Variants in IFT74 observed in about 807,000 individuals in gnomAD.
IFT74 encodes the protein intraflagellar transport protein 74 homolog.
In IFT74, 92 loss-of-function variants were observed where a neutral mutation model predicts 96.7. That is an observed-to-expected ratio of 0.95 (90% CI 0.80 to 1.13). The LOEUF is 1.13. Ranked by LOEUF, IFT74 falls within the 50% of genes most tolerant of loss-of-function variation. The probability of loss-of-function intolerance (pLI) is 0.00; values close to 1 mark genes in which losing one functional copy is unlikely to be tolerated. For synonymous variants in IFT74, 223 were observed against 213.2 expected (o/e 1.05, Z -0.40); for missense variants, 811 against 698.2 (o/e 1.16, Z -1.82).
chr9:26,947,236 C>G, intron 1 of IFT74: 1 of 598,504 alleles, frequency 1.7e-6, no homozygotes, highest in Non-Finnish European at 2.8e-6. Flanking sequence ...AGTGACACAG[C>G]AAGCCTGACA....
At chr9:26,992,232 G>A (rs1388441136) in intron 8 of IFT74, among the ~76,000 whole-genome samples, 2 of 152,138 alleles carry the variant, frequency 1.3e-5, no homozygotes, top group East Asian at 3.9e-4. Context: ...GTTAAAGAAT[G>A]TCATAGATTT....
chr9:26,957,353 G>C (rs937017097), intron 1 of IFT74, among the ~76,000 whole-genome samples: 1 of 152,188 alleles, frequency 6.6e-6, no homozygotes, highest in Non-Finnish European at 1.5e-5. Flanking sequence ...ACTGGAAAGA[G>C]ATGTTTATTG....
rs763784575 is a variant in IFT74 at position 26,997,819 on chromosome 9, C to T, written c.587+7624C>T. 1.9e-6 allele frequency: 3 copies of T among 1,614,078 alleles called. No individual in the cohort carries two copies. In the South Asian group the frequency reaches 3.3e-5, roughly 18 times the overall value. ...GGTTTCCATATAAAGTTATTAATTC[C>T]AGATGAAATAGTGGTGGTACATCCA... On this transcript the variant is annotated intron_variant, in intron 8 of 19. Coordinates refer to ENST00000380062, the MANE Select transcript of IFT74 (RefSeq NM_025103.4).
At chr9:27,019,976 AT>A (rs771476988) in intron 12 of IFT74, among the ~76,000 whole-genome samples, 135 of 142,966 alleles carry the variant, frequency 9.4e-4, no homozygotes, top group Non-Finnish European at 1.1e-3. Context: ...TTTTAATTTA[AT>A]TTTTTTTTTT....
chr9:27,009,818 T>A (rs1297829711), intron 9 of IFT74, among the ~76,000 whole-genome samples: 1 of 152,198 alleles, frequency 6.6e-6, no homozygotes, highest in African/African-American at 2.4e-5. Flanking sequence ...AATTTCCATT[T>A]TTAAAAATTA....
In IFT74 at chr9:26,949,764, G is replaced by A. The variant is rs189525730; in HGVS notation, c.-20+2618G>A. The stretch of plus-strand genomic sequence containing the variant: ...GGCAGGAGGCTAGGAAATGGGAAAT[G>A]CTAATTGGTTGGGTCAGGGATGAAT... On this transcript the variant is annotated intron_variant, in intron 1 of 19. Transcript: ENST00000433700. 2.0e-4 allele frequency among the ~76,000 whole-genome samples: 31 copies of A among 152,272 alleles called. No homozygotes were observed. The East Asian group carries it at 5.8e-3, about 28-fold the overall frequency.
upstream of IFT74, among the ~76,000 whole-genome samples, chr9:26,952,268 AT>A (rs1456982818): frequency 3.4e-5 from 5 of 147,222 alleles, no homozygotes; most frequent in East Asian, 2.0e-4. Flanking sequence ...AGTTTATTTA[AT>A]TTTTTTTAAC....
At chr9:27,056,825 A>G (rs1298017773) in intron 18 of IFT74, among the ~76,000 whole-genome samples, 3 of 151,780 alleles carry the variant, frequency 2.0e-5, no homozygotes, top group Non-Finnish European at 2.9e-5. Context: ...GAGAATGCTT[A>G]TTGTTGCTTT....
chr9:27,013,423 A>T (rs1205302600), intron 10 of IFT74, among the ~76,000 whole-genome samples: 1 of 152,246 alleles, frequency 6.6e-6, no homozygotes, highest in Non-Finnish European at 1.5e-5. Flanking sequence ...ATATCATAAG[A>T]TTGAATTCTC....
At chr9:26,974,614 A>T (rs1289388089) in intron 2 of IFT74, among the ~76,000 whole-genome samples, 1 of 152,114 alleles carries the variant, frequency 6.6e-6, no homozygotes, top group Non-Finnish European at 1.5e-5. Flanking sequence ...TGAGGTCTTA[A>T]GCGGGAAATT....
intron 2 of IFT74, among the ~76,000 whole-genome samples, chr9:26,963,690 T>G (rs901314451): frequency 3.3e-5 from 5 of 152,228 alleles, no homozygotes; most frequent in African/African-American, 1.2e-4. Flanking sequence ...GGTTTTGACT[T>G]GCATTTCTCT....
chr9:26,949,746 G>A (rs898752713), intron 1 of IFT74, among the ~76,000 whole-genome samples: 2 of 152,148 alleles, frequency 1.3e-5, no homozygotes, highest in African/African-American at 4.8e-5. Flanking sequence ...GTGGGCAGGA[G>A]GCTAGGAAAT....
intron 12 of IFT74, among the ~76,000 whole-genome samples, chr9:27,022,345 A>AT (rs1463738821): frequency 1.2e-4 from 18 of 150,796 alleles, no homozygotes; most frequent in Non-Finnish European, 1.9e-4. Context: ...TGAATTTTGG[A>AT]TTTTTTTTTC....
At chr9:27,024,663 G>T (rs1352790058) in intron 12 of IFT74, among the ~76,000 whole-genome samples, 2 of 151,998 alleles carry the variant, frequency 1.3e-5, no homozygotes, top group Non-Finnish European at 2.9e-5. Context: ...AAACCAAGAA[G>T]AAATCTCTGA....
intron 3 of IFT74, among the ~76,000 whole-genome samples, chr9:26,979,055 C>T (rs181745075): frequency 6.6e-6 from 1 of 152,118 alleles, no homozygotes; most frequent in Admixed American, 6.5e-5. Flanking sequence ...GACAGATGAT[C>T]TATCAGGAAT....
chr9:27,016,765 A>T (rs1829361648), intron 10 of IFT74, 142 bp from the exon 11 acceptor site: 1 of 548,352 alleles, frequency 1.8e-6, no homozygotes, highest in Admixed American at 3.6e-5. Context: ...TTGTAGCATT[A>T]TTGAGTACTA....
At chr9:26,978,022 C>A in intron 2 of IFT74, 106 bp from the exon 3 acceptor site, 2 of 847,466 alleles carry the variant, frequency 2.4e-6, no homozygotes, top group Non-Finnish European at 3.5e-6. Context: ...TTTTACAAAT[C>A]AAGTAGAATT....
At chr9:26,970,536 C>T (rs1826836366) in intron 2 of IFT74, among the ~76,000 whole-genome samples, 1 of 152,138 alleles carries the variant, frequency 6.6e-6, no homozygotes. Context: ...ATGTTCTTCT[C>T]TATACTTTGA....
intron 8 of IFT74, among the ~76,000 whole-genome samples, chr9:26,996,048 A>C (rs1330945674): frequency 6.6e-6 from 1 of 152,112 alleles, no homozygotes; most frequent in Non-Finnish European, 1.5e-5. Flanking sequence ...CTTTTACCTA[A>C]GACCATTATT....
Sources: gnomAD v4.1 joint callset for allele counts (sites outside exome capture counted in the v4.1 genomes callset) on GRCh38, gnomAD v4.1.1 for gene constraint, MANE v1.5 for transcripts, NCBI Gene and HGNC (gene_info 2026-07-23, HGNC 2026-07-21) for gene names.